LIPC: variants seen among roughly 807,000 people sequenced by gnomAD.
LIPC encodes the protein hepatic triacylglycerol lipase.
LIPC carries 44 observed loss-of-function variants against 50.7 expected under a neutral mutation model. That is an observed-to-expected ratio of 0.87 (90% CI 0.68 to 1.11). The LOEUF is 1.11. Ranked by LOEUF, LIPC falls within the 50% of genes most tolerant of loss-of-function variation. The pLI is 0.00. For missense variants in LIPC, 697 were observed against 648.2 expected, an observed-to-expected ratio of 1.08 and a Z score of -0.82; for synonymous variants, 271 against 256.4, an observed-to-expected ratio of 1.06 and a Z score of -0.54.
chr15:58,451,716 T>A (rs1376173606), intron 1 of LIPC, among the ~76,000 whole-genome samples: 1 of 152,136 alleles, frequency 6.6e-6, no homozygotes, highest in African/African-American at 2.4e-5. Flanking sequence ...GAGGAGGAGA[T>A]GCCAGCAGAC....
intron 7 of LIPC, among the ~76,000 whole-genome samples, chr15:58,561,670 G>T (rs902470085): frequency 6.6e-6 from 1 of 152,184 alleles, no homozygotes; most frequent in African/African-American, 2.4e-5. Context: ...ATATGTCAAA[G>T]AAATATATTT....
intron 1 of LIPC, among the ~76,000 whole-genome samples, chr15:58,526,231 T>C (rs1260717206): frequency 6.6e-6 from 1 of 152,176 alleles, no homozygotes; most frequent in Non-Finnish European, 1.5e-5. Flanking sequence ...TGCTCACAAA[T>C]GTAAAAAGTT....
chr15:58,537,205 C>G (rs1237002893), intron 1 of LIPC, among the ~76,000 whole-genome samples: 1 of 152,172 alleles, frequency 6.6e-6, no homozygotes, highest in Non-Finnish European at 1.5e-5. Flanking sequence ...AACGCGCCAC[C>G]TTGCCAGGCT....
intron 1 of LIPC, among the ~76,000 whole-genome samples, chr15:58,528,829 G>A (rs1253100395): frequency 6.6e-6 from 1 of 152,164 alleles, no homozygotes; most frequent in African/African-American, 2.4e-5. Context: ...TCATCTTCTG[G>A]CAGCTGACCT....
intron 1 of LIPC, among the ~76,000 whole-genome samples, chr15:58,461,520 T>A (rs1209794435): frequency 1.3e-5 from 2 of 152,144 alleles, no homozygotes; most frequent in East Asian, 3.8e-4. Flanking sequence ...GCGATTCTCC[T>A]GCCTCAGCCT....
chr15:58,479,590 T>G (rs1891118200), intron 1 of LIPC, among the ~76,000 whole-genome samples: 1 of 152,242 alleles, frequency 6.6e-6, no homozygotes, highest in South Asian at 2.1e-4. Flanking sequence ...CTTAATAATG[T>G]CAATGCAGAT....
intron 1 of LIPC, among the ~76,000 whole-genome samples, chr15:58,440,670 C>T (rs1893474460): frequency 6.6e-6 from 1 of 152,156 alleles, no homozygotes; most frequent in Non-Finnish European, 1.5e-5. Context: ...CAACACAATG[C>T]AATTAGTTTG....
At chr15:58,442,016 T>A (rs987803870) in intron 1 of LIPC, among the ~76,000 whole-genome samples, 1 of 152,218 alleles carries the variant, frequency 6.6e-6, no homozygotes, top group African/African-American at 2.4e-5. Flanking sequence ...TTTGTTGCTG[T>A]GCTGTGTTTT....
At chr15:58,470,734 G>T (rs1425723318) in intron 1 of LIPC, among the ~76,000 whole-genome samples, 1 of 151,888 alleles carries the variant, frequency 6.6e-6, no homozygotes, top group East Asian at 1.9e-4. Context: ...CCAGTAGCTG[G>T]GACTACAGGT....
intron 4 of LIPC, among the ~76,000 whole-genome samples, chr15:58,543,598 T>C (rs1308857697): frequency 1.3e-5 from 2 of 152,330 alleles, no homozygotes; most frequent in African/African-American, 4.8e-5. Context: ...TTTACATGAA[T>C]AACAAAGTTG....
At chr15:58,567,769 A>G (rs1050670700) in intron 8 of LIPC, among the ~76,000 whole-genome samples, 3 of 152,156 alleles carry the variant, frequency 2.0e-5, no homozygotes, top group Non-Finnish European at 2.9e-5. Context: ...GCAGGAAAAC[A>G]TACACAACAT....
chr15:58,470,870 C>T (rs1268901814), intron 1 of LIPC, among the ~76,000 whole-genome samples: 2 of 152,226 alleles, frequency 1.3e-5, no homozygotes, highest in Non-Finnish European at 2.9e-5. Context: ...CAGATTTTGC[C>T]AAACACCTTG....
intron 1 of LIPC, among the ~76,000 whole-genome samples, chr15:58,489,228 G>GGGGGGT (rs1294347533): frequency 3.9e-5 from 4 of 103,392 alleles, no homozygotes; most frequent in African/African-American, 1.6e-4. Context: ...GGGGGCGGGG[G>GGGGGGT]GGCGGCTTAC....
chr15:58,463,532 T>C (rs1218281292), intron 1 of LIPC, among the ~76,000 whole-genome samples: 2 of 152,106 alleles, frequency 1.3e-5, no homozygotes, highest in Non-Finnish European at 2.9e-5. Flanking sequence ...CACCCACCAT[T>C]TTGCCCCAAA....
chr15:58,475,678 A>C (rs1890971376), intron 1 of LIPC, among the ~76,000 whole-genome samples: 1 of 152,232 alleles, frequency 6.6e-6, no homozygotes, highest in African/African-American at 2.4e-5. Context: ...TAAACCGTGA[A>C]TAAGTGGCTT....
At chr15:58,449,754 G>A (rs1158423208) in intron 1 of LIPC, among the ~76,000 whole-genome samples, 17 of 152,080 alleles carry the variant, frequency 1.1e-4, no homozygotes, top group African/African-American at 4.1e-4. Context: ...TGGCCAGGCT[G>A]GTCTTGAACT....
At chr15:58,566,170 T>C in intron 8 of LIPC, 2 of 985,290 alleles carry the variant, frequency 2.0e-6, no homozygotes, top group Non-Finnish European at 2.4e-6. Flanking sequence ...CAGACCACAC[T>C]TTGAATAGTG....
intron 7 of LIPC, among the ~76,000 whole-genome samples, chr15:58,562,810 C>CCG (rs1400543702): frequency 6.6e-6 from 1 of 151,640 alleles, no homozygotes; most frequent in Non-Finnish European, 1.5e-5. Context: ...AAGGGACCCC[C>CCG]CCCCAACCCC....
At chr15:58,501,344 A>G (rs1328570892) in intron 1 of LIPC, among the ~76,000 whole-genome samples, 1 of 66,678 alleles carries the variant, frequency 1.5e-5, no homozygotes, top group African/African-American at 5.3e-5. Flanking sequence ...GAGGCCTCTC[A>G]TACTTTTTTT....
Sources: gnomAD v4.1 joint callset for allele counts (sites outside exome capture counted in the v4.1 genomes callset) on GRCh38, gnomAD v4.1.1 for gene constraint, MANE v1.5 for transcripts, NCBI Gene and HGNC (gene_info 2026-07-23, HGNC 2026-07-21) for gene names.